PCDH15: variants seen among roughly 807,000 people sequenced by gnomAD.
The protein encoded by PCDH15 is protocadherin-15.
In PCDH15, 129 loss-of-function variants were observed where a neutral mutation model predicts 178.5. The ratio of observed to expected loss-of-function variants is 0.72; its 90% CI spans 0.63 to 0.84. The LOEUF (loss-of-function observed/expected upper bound fraction) is 0.84, where lower values mean the gene tolerates loss of function less well. Among genes scored for constraint, PCDH15 ranks in the 40% least tolerant of loss-of-function variants. The pLI is 0.00. For synonymous variants in PCDH15, 800 were observed against 732.0 expected (o/e 1.09, Z -1.50); for missense variants, 2,230 against 2,099.9 (o/e 1.06, Z -1.21).
At chr10:55,463,061 A>G (rs1345913887) in intron 2 of PCDH15, among the ~76,000 whole-genome samples, 1 of 151,590 alleles carries the variant, frequency 6.6e-6, no homozygotes, top group Non-Finnish European at 1.5e-5. Context: ...GGTGATTGCA[A>G]TTGAAAATAA....
intron 1 of PCDH15, among the ~76,000 whole-genome samples, chr10:55,315,459 G>A (rs1843700789): frequency 6.6e-6 from 1 of 152,060 alleles, no homozygotes; most frequent in Non-Finnish European, 1.5e-5. Flanking sequence ...AAGTTACACA[G>A]TTTATTAATA....
At chr10:53,974,406 A>G (rs1190608288) in intron 21 of PCDH15, among the ~76,000 whole-genome samples, 1 of 152,132 alleles carries the variant, frequency 6.6e-6, no homozygotes, top group Non-Finnish European at 1.5e-5. Context: ...GTATCATACA[A>G]CTAAGTAATA....
intron 1 of PCDH15, among the ~76,000 whole-genome samples, chr10:55,298,592 TA>T (rs933203297): frequency 6.6e-6 from 1 of 152,062 alleles, no homozygotes; most frequent in African/African-American, 2.4e-5. Flanking sequence ...CTTATTTATT[TA>T]TTTTTTTTTT....
At chr10:54,179,010 T>C (rs1159810054) in intron 13 of PCDH15, among the ~76,000 whole-genome samples, 4 of 152,110 alleles carry the variant, frequency 2.6e-5, no homozygotes, top group East Asian at 1.9e-4. Context: ...GTCAGTGTGG[T>C]GATTCCTCAG....
intron 1 of PCDH15, among the ~76,000 whole-genome samples, chr10:54,778,372 C>T (rs1219283148): frequency 6.6e-6 from 1 of 152,076 alleles, no homozygotes; most frequent in Admixed American, 6.6e-5. Context: ...AAATGTCATT[C>T]ACACAATCCA....
At chr10:54,299,360 G>A (rs369197623) in intron 8 of PCDH15, among the ~76,000 whole-genome samples, 23 of 151,970 alleles carry the variant, frequency 1.5e-4, no homozygotes, top group African/African-American at 5.3e-4. Context: ...CAGACAAGAA[G>A]TCAAAGAGAG....
intron 2 of PCDH15, among the ~76,000 whole-genome samples, chr10:54,546,185 G>A (rs1826771777): frequency 6.6e-6 from 1 of 152,170 alleles, no homozygotes; most frequent in Non-Finnish European, 1.5e-5. Context: ...ATGCTTCTAA[G>A]TCACTAGACC....
chr10:55,236,085 G>C (rs1185756471), intron 1 of PCDH15, among the ~76,000 whole-genome samples: 1 of 151,516 alleles, frequency 6.6e-6, no homozygotes, highest in Non-Finnish European at 1.5e-5. Flanking sequence ...TTTATTCTCT[G>C]TCCTGCTGTT....
At chr10:54,584,088 C>T (rs527835698) in intron 2 of PCDH15, among the ~76,000 whole-genome samples, 4 of 152,174 alleles carry the variant, frequency 2.6e-5, no homozygotes, top group Admixed American at 6.6e-5. Context: ...CTCATTATTA[C>T]ATAATATATT....
At chr10:55,427,306 G>A (rs1451316062) in intron 2 of PCDH15, among the ~76,000 whole-genome samples, 3 of 152,160 alleles carry the variant, frequency 2.0e-5, no homozygotes, top group Non-Finnish European at 4.4e-5. Context: ...CCATACTAAT[G>A]TGAACATGTT....
chr10:54,439,263 TAAGAA>T lies in PCDH15; in HGVS notation c.158-60326_158-60322del, dbSNP rs111456368. 7.0e-3 allele frequency among the ~76,000 whole-genome samples: 1,068 copies of T among 152,084 alleles called. 15 individuals carry two copies. Among genetic ancestry groups the T allele is most frequent in the African/African-American group, 0.024 (1,004 of 41,510 alleles). On this transcript the variant is annotated intron_variant, in intron 3 of 37. Coordinates refer to ENST00000644397, the MANE Select transcript of PCDH15 (RefSeq NM_001384140.1). ...AAATAAACTTAAAGTTTAAGAAAGATAAGAAAAGAAACCAAATATGCATAAATCTG... is the reference window on the plus strand; with the variant it reads ...AAATAAACTTAAAGTTTAAGAAAGATAAGAAACCAAATATGCATAAATCTG...
At chr10:54,998,657 A>G (rs1188292936) in intron 2 of PCDH15, among the ~76,000 whole-genome samples, 1 of 152,166 alleles carries the variant, frequency 6.6e-6, no homozygotes, top group Non-Finnish European at 1.5e-5. Flanking sequence ...CAATTTGGCA[A>G]TTCTTTTTTT....
rs1589335499 is a variant in PCDH15, at chr10:54,424,063, C to T, written c.158-45121G>A. Among the ~76,000 whole-genome samples the T allele has an allele frequency of 2.0e-5, 3 of 151,988 alleles. 1 individual carries two copies. The South Asian group carries it at 6.2e-4, about 32-fold the overall frequency. On this transcript the variant is annotated intron_variant, in intron 3 of 37. Coordinates refer to ENST00000644397, the MANE Select transcript of PCDH15 (RefSeq NM_001384140.1). ...TCTGCACAGCAAAAGAAACTACCAT[C>T]AGAGTGAACAGGCAACCTACAGAAT...
intron 8 of PCDH15, among the ~76,000 whole-genome samples, chr10:54,255,340 T>C (rs1483442298): frequency 2.0e-5 from 3 of 152,180 alleles, no homozygotes; most frequent in Admixed American, 2.0e-4. Context: ...GAAATAATTC[T>C]TTGCATTGCA....
At chr10:54,104,539 T>A (rs113724193) in intron 15 of PCDH15, among the ~76,000 whole-genome samples, 1 of 151,886 alleles carries the variant, frequency 6.6e-6, no homozygotes, top group Non-Finnish European at 1.5e-5. Flanking sequence ...AAGCCAGGAG[T>A]TAGAATCCCT....
At chr10:54,938,414 T>C (rs1733760) in intron 2 of PCDH15, among the ~76,000 whole-genome samples, 62,614 of 151,752 alleles carry the variant, frequency 0.41, 14,269 homozygotes, top group Middle Eastern at 0.54. Context: ...ATATTTCGGT[T>C]TAGCTTTCAC....
intron 2 of PCDH15, among the ~76,000 whole-genome samples, chr10:54,616,708 T>C (rs2093168872): frequency 6.6e-6 from 1 of 152,090 alleles, no homozygotes; most frequent in South Asian, 2.1e-4. Context: ...TGAGACCCAG[T>C]CAGACTTATG....
chr10:55,042,654 G>C (rs1402645489), intron 2 of PCDH15, among the ~76,000 whole-genome samples: 1 of 152,138 alleles, frequency 6.6e-6, no homozygotes, highest in Non-Finnish European at 1.5e-5. Flanking sequence ...AAGTCAAAGG[G>C]ATATATATAT....
chr10:53,808,599 C>T (rs2075744739), intron 37 of PCDH15: 1 of 1,480,768 alleles, frequency 6.8e-7, no homozygotes, highest in East Asian at 2.4e-5. Flanking sequence ...TGATCAATTT[C>T]CTCCCTTTCA....
Sources: allele counts gnomAD v4.1 joint callset (sites outside exome capture counted in the v4.1 genomes callset), GRCh38; gene constraint gnomAD v4.1.1; transcripts MANE v1.5; gene names NCBI Gene and HGNC (gene_info 2026-07-23, HGNC 2026-07-21).